Variants in KLHDC4 observed in about 807,000 individuals in gnomAD.
The protein encoded by KLHDC4 is kelch domain-containing protein 4.
Under a neutral mutation model 62.4 loss-of-function variants are expected in KLHDC4, and 90 were observed. The ratio of observed to expected loss-of-function variants is 1.44; its 90% CI spans 1.22 to 1.72. KLHDC4 has a LOEUF of 1.72. KLHDC4 is among the 40% of genes most tolerant of loss of function. KLHDC4 has a pLI of 0.00. For synonymous variants in KLHDC4, 386 were observed against 284.4 expected, an observed-to-expected ratio of 1.36 and a Z score of -3.59; for missense variants, 1,025 against 699.7, an observed-to-expected ratio of 1.47 and a Z score of -5.25.
chr16:87,734,475 G>A (rs1177540038), intron 5 of KLHDC4, among the ~76,000 whole-genome samples: 1 of 152,152 alleles, frequency 6.6e-6, no homozygotes, highest in Non-Finnish European at 1.5e-5. Flanking sequence ...AGGAGTCTTC[G>A]CTTGCTCCAA....
chr16:87,709,732 C>T (rs2035400574), intron 9 of KLHDC4, 65 bp from the exon 10 acceptor site: 1 of 1,468,668 alleles, frequency 6.8e-7, no homozygotes, highest in Admixed American at 2.4e-5. Flanking sequence ...TCCTGCTATG[C>T]CCACAAGGCC....
chr16:87,707,312 T>C (rs1014360936), downstream of KLHDC4, among the ~76,000 whole-genome samples: 1 of 152,184 alleles, frequency 6.6e-6, no homozygotes, highest in East Asian at 1.9e-4. Context: ...CCCTCCAGCC[T>C]CCCTTCCTGT....
chr16:87,753,480 G>T (rs1464691454), intron 4 of KLHDC4, among the ~76,000 whole-genome samples: 2 of 152,170 alleles, frequency 1.3e-5, no homozygotes, highest in African/African-American at 4.8e-5. Context: ...AGGACAAAAT[G>T]CAACACTGTT....
Position 87,762,038 on chromosome 16 carries a change from T to C in KLHDC4, c.102A>G (p.Glu34=), listed in dbSNP as rs1278861113. The C allele has an allele frequency of 6.2e-7, 1 of 1,613,454 alleles. No homozygotes were observed. Among genetic ancestry groups the C allele is most frequent in the Non-Finnish European group, 8.5e-7 (1 of 1,179,696 alleles). Residue 34 remains glutamate, a splice_region_variant and synonymous_variant, in exon 2 of 12, where the codon GAA becomes GAG. Transcript: ENST00000270583. The part of the protein sequence containing the change: ...KVSKRSRKEE[E]DLEALIAHFQ... ...AATGGGCTATGAGCGCTTCCAGGTC[T>C]TCCTAGGGCAAGCAAGCAGGCACAC...
At chr16:87,742,641 C>T (rs1465813307) in intron 5 of KLHDC4, among the ~76,000 whole-genome samples, 3 of 152,160 alleles carry the variant, frequency 2.0e-5, no homozygotes, top group Admixed American at 2.0e-4. Flanking sequence ...AACCACACAT[C>T]AACCTGCTCT....
intron 7 of KLHDC4, among the ~76,000 whole-genome samples, chr16:87,725,724 C>T (rs1051096382): frequency 3.3e-5 from 5 of 152,176 alleles, no homozygotes; most frequent in Non-Finnish European, 7.3e-5. Flanking sequence ...AAGCACACGC[C>T]CCACGAGCAG....
intron 2 of KLHDC4, chr16:87,757,506 T>C (rs1193439729): frequency 6.6e-6 from 1 of 150,608 alleles, no homozygotes; most frequent in East Asian, 2.0e-4. Context: ...TACTTCAATA[T>C]ACATGCCAGA....
At chr16:87,709,740 G>A in intron 9 of KLHDC4, 73 bp from the exon 10 acceptor site, 1 of 1,458,670 alleles carries the variant, frequency 6.9e-7, no homozygotes, top group Non-Finnish European at 9.1e-7. Context: ...TGCCCACAAG[G>A]CCAGGCAAGG....
At chr16:87,715,130 A>G (rs1474124942) in intron 7 of KLHDC4, among the ~76,000 whole-genome samples, 3 of 152,164 alleles carry the variant, frequency 2.0e-5, no homozygotes, top group Non-Finnish European at 2.9e-5. Context: ...CCCATGCCCT[A>G]CAAGTCCTGG....
chr16:87,763,055 A>G (rs916870572), intron 1 of KLHDC4, among the ~76,000 whole-genome samples: 6 of 152,188 alleles, frequency 3.9e-5, no homozygotes, highest in East Asian at 1.9e-4. Flanking sequence ...GGTGAATGTC[A>G]GCAGGGTACA....
Position 87,761,996 on chromosome 16 carries a change from G to C in KLHDC4, c.144C>G (p.Ala48=), listed in dbSNP as rs186206922. ...ALIAHFQTLD[A]KRTQTVELPC... ...GAAGTTCCACAGTCTGAGTCCTCTT[G>C]GCATCGAGTGTCTGGAAATGGGCTA... The change falls in exon 2 of 12, where the codon GCC becomes GCG. Residue 48 remains alanine, a synonymous_variant. Coordinates refer to ENST00000270583, the MANE Select transcript of KLHDC4 (RefSeq NM_017566.4). 2.5e-6 allele frequency: 4 copies of C among 1,614,012 alleles called. No homozygotes were observed. The Admixed American group carries it at 5.0e-5, about 20-fold the overall frequency.
At chr16:87,729,744 C>A (rs2040006099) in intron 6 of KLHDC4, among the ~76,000 whole-genome samples, 1 of 152,168 alleles carries the variant, frequency 6.6e-6, no homozygotes, top group Non-Finnish European at 1.5e-5. Context: ...CACTGCTCTC[C>A]CGGACAGGAG....
intron 4 of KLHDC4, among the ~76,000 whole-genome samples, chr16:87,749,737 T>A (rs1000244511): frequency 1.3e-5 from 2 of 152,024 alleles, no homozygotes; most frequent in Non-Finnish European, 2.9e-5. Context: ...GCATGTGACA[T>A]CATGCCCAGC....
chr16:87,725,825 G>C (rs929972324), intron 7 of KLHDC4, among the ~76,000 whole-genome samples: 6 of 152,154 alleles, frequency 3.9e-5, no homozygotes, highest in Non-Finnish European at 5.9e-5. Context: ...CGGGGTGGGC[G>C]CGAGAACATT....
chr16:87,711,238 C>T lies in KLHDC4; in HGVS notation c.1041G>A (p.Leu347=), dbSNP rs1358340853. The T allele has an allele frequency of 6.2e-7, 1 of 1,614,020 alleles. No homozygotes were observed. The highest frequency in any genetic ancestry group is 8.5e-7 in the Non-Finnish European group (1 of 1,180,016). Residue 347 remains leucine, a synonymous_variant, in exon 9 of 12, where the codon CTG becomes CTA. Coordinates refer to ENST00000270583, the MANE Select transcript of KLHDC4 (RefSeq NM_017566.4). ...ATRNRWFEGQ[L]KGPKSEKKKR... ...TGCTACTCAGAGGTTGCACTACCTT[C>T]AGCTGTCCCTCAAACCAACGGTTCC...
intron 2 of KLHDC4, among the ~76,000 whole-genome samples, chr16:87,759,603 G>A (rs1465521964): frequency 6.6e-6 from 1 of 151,814 alleles, no homozygotes; most frequent in Non-Finnish European, 1.5e-5. Flanking sequence ...AAAATTAGCC[G>A]GGCGTGGTGG....
intron 4 of KLHDC4, among the ~76,000 whole-genome samples, chr16:87,751,715 T>C (rs1486441374): frequency 6.6e-6 from 1 of 152,072 alleles, no homozygotes; most frequent in East Asian, 1.9e-4. Context: ...GCCCAGTACT[T>C]TGACACCAGC....
chr16:87,746,880 G>A (rs750773683), intron 5 of KLHDC4, among the ~76,000 whole-genome samples: 4 of 152,156 alleles, frequency 2.6e-5, no homozygotes, highest in Non-Finnish European at 5.9e-5. Context: ...GCAAGCATTC[G>A]AGGAATGAGG....
chr16:87,749,572 G>A (rs200295949), intron 4 of KLHDC4, among the ~76,000 whole-genome samples: 27,569 of 139,082 alleles, frequency 0.2, 3,063 homozygotes, highest in South Asian at 0.31. Flanking sequence ...AAAAAAAAAA[G>A]AAAGAAAGTG....
Sources: gnomAD v4.1 joint callset for allele counts (sites outside exome capture counted in the v4.1 genomes callset) on GRCh38, gnomAD v4.1.1 for gene constraint, MANE v1.5 for transcripts, NCBI Gene and HGNC (gene_info 2026-07-23, HGNC 2026-07-21) for gene names.